CLMN: variants seen among roughly 807,000 people sequenced by gnomAD.
The protein encoded by CLMN is calmin, also known as calmin (calponin-like, transmembrane).
A neutral mutation model predicts 92.7 loss-of-function variants in CLMN; 57 were observed. The ratio of observed to expected loss-of-function variants is 0.61; its 90% confidence interval spans 0.50 to 0.77. CLMN has a LOEUF of 0.77. Among genes scored for constraint, CLMN ranks in the 30% least tolerant of loss-of-function variants. The probability of loss-of-function intolerance (pLI) is 0.00; values close to 1 mark genes in which losing one functional copy is unlikely to be tolerated. For missense variants in CLMN, 1,158 were observed against 1,237.5 expected (o/e 0.94, Z 0.96); for synonymous variants, 466 against 470.6 (o/e 0.99, Z 0.13).
intron 8 of CLMN, among the ~76,000 whole-genome samples, chr14:95,207,824 G>A (rs779897192): frequency 1.3e-5 from 2 of 152,134 alleles, no homozygotes; most frequent in Non-Finnish European, 2.9e-5. Flanking sequence ...TGAAAGTCAC[G>A]GCATGGAGGA....
At chr14:95,230,242 G>A (rs1386472937) in intron 1 of CLMN, 109 bp from the exon 2 acceptor site, 1 of 994,844 alleles carries the variant, frequency 1.0e-6, no homozygotes, top group Non-Finnish European at 1.6e-6. Flanking sequence ...GAACCCCAGG[G>A]TGTCCCATGT....
intron 12 of CLMN, chr14:95,192,108 C>G (rs2140555537): frequency 5.8e-6 from 1 of 173,832 alleles, no homozygotes; most frequent in African/African-American, 2.4e-5. Flanking sequence ...TTTCTTGATG[C>G]CACAGTGCTC....
chr14:95,252,875 T>C (rs1402115704), intron 1 of CLMN, among the ~76,000 whole-genome samples: 2 of 152,116 alleles, frequency 1.3e-5, no homozygotes, highest in Non-Finnish European at 2.9e-5. Context: ...ATGGGGAGCT[T>C]TGCATCGGGA....
intron 1 of CLMN, among the ~76,000 whole-genome samples, chr14:95,236,496 C>T (rs541184416): frequency 2.0e-5 from 3 of 152,358 alleles, no homozygotes; most frequent in East Asian, 1.9e-4. Context: ...TTGATTGCCA[C>T]GACTGAGGGG....
chr14:95,243,604 A>T (rs1490311091), intron 1 of CLMN, among the ~76,000 whole-genome samples: 1 of 149,536 alleles, frequency 6.7e-6, no homozygotes, highest in African/African-American at 2.5e-5. Flanking sequence ...CATGGAGAAG[A>T]AAAATGATTC....
At chr14:95,258,303 ATGTGTGTGTGTG>A (rs1899090718) in intron 1 of CLMN, among the ~76,000 whole-genome samples, 1 of 129,100 alleles carries the variant, frequency 7.7e-6, no homozygotes, top group Admixed American at 7.6e-5. Flanking sequence ...TGTGTGGTGT[ATGTGTGTGTGTG>A]GGGTGTGTGT....
At position 95,196,518 on chromosome 14, in the gene CLMN, GCTA is replaced by G. The variant is rs760966574; in HGVS notation, c.2685_2687del (p.Ser896del). ...AATACCTGGAAGGAATGCTGTAGTC[GCTA>G]CTGTCTTCTTCTAGGTCATCTGAGG... On this transcript the variant is annotated inframe_deletion, in exon 10 of 13. Transcript: ENST00000298912. 2 of 1,611,772 alleles carry G rather than the reference GCTA, an allele frequency of 1.2e-6. No homozygotes were observed. Among genetic ancestry groups the G allele is most frequent in the South Asian group, 2.2e-5 (2 of 90,432 alleles).
chr14:95,243,629 C>T (rs990452963), intron 1 of CLMN, among the ~76,000 whole-genome samples: 22 of 136,864 alleles, frequency 1.6e-4, no homozygotes, highest in South Asian at 2.2e-4. Flanking sequence ...ATTTTTTTTT[C>T]GGTAAAGTTT....
At chr14:95,303,398 G>A (rs971918175) in intron 1 of CLMN, among the ~76,000 whole-genome samples, 10 of 152,108 alleles carry the variant, frequency 6.6e-5, no homozygotes, top group Non-Finnish European at 1.3e-4. Flanking sequence ...TTAACCCCAC[G>A]CCCACCCCTG....
chr14:95,264,681 T>C (rs748417829), intron 1 of CLMN, among the ~76,000 whole-genome samples: 5 of 152,206 alleles, frequency 3.3e-5, no homozygotes, highest in Admixed American at 6.5e-5. Context: ...GTTACTTTTA[T>C]GTGTCAACGT....
intron 5 of CLMN, among the ~76,000 whole-genome samples, chr14:95,214,750 T>C (rs1045307966): frequency 1.3e-5 from 2 of 152,086 alleles, no homozygotes; most frequent in Non-Finnish European, 2.9e-5. Context: ...TTTTTTTTTT[T>C]TTAAGTTCAT....
At chr14:95,319,509 G>A (rs1901947964) in intron 1 of CLMN, among the ~76,000 whole-genome samples, 1 of 152,090 alleles carries the variant, frequency 6.6e-6, no homozygotes, top group Non-Finnish European at 1.5e-5. Flanking sequence ...CCACCCCCTG[G>A]GCAACTGTAA....
chr14:95,317,024 C>G (rs1223462055), intron 1 of CLMN, among the ~76,000 whole-genome samples: 1 of 152,220 alleles, frequency 6.6e-6, no homozygotes, highest in East Asian at 1.9e-4. Context: ...AGCCCCTCTG[C>G]CTGGACTCCT....
rs1408029006 is a variant in CLMN, at chr14:95,182,488, T to C, written c.*9076A>G. 3 of 152,228 alleles carry C rather than the reference T, an allele frequency of 2.0e-5. No individual in the cohort carries two copies. The highest frequency in any genetic ancestry group is 7.2e-5 in the African/African-American group (3 of 41,450). The allele number at this position is 152,228 out of a possible 1,614,324, so 9.4% of individuals were successfully genotyped here. The stretch of plus-strand genomic sequence containing the variant: ...CACAATTTGTCTTTGGCGGATAGTA[T>C]CAGCACCACTGTGAGTGACATAGGC... On this transcript the variant is annotated 3_prime_UTR_variant, in exon 13 of 13. Coordinates refer to ENST00000298912, the MANE Select transcript of CLMN (RefSeq NM_024734.4).
At chr14:95,240,750 C>G (rs1898214840) in intron 1 of CLMN, among the ~76,000 whole-genome samples, 1 of 152,172 alleles carries the variant, frequency 6.6e-6, no homozygotes, top group South Asian at 2.1e-4. Flanking sequence ...CTCCCAACCA[C>G]TTCAACAGGT....
intron 1 of CLMN, among the ~76,000 whole-genome samples, chr14:95,308,081 T>C (rs146692052): frequency 9.0e-4 from 137 of 152,356 alleles, no homozygotes; most frequent in African/African-American, 3.2e-3. Flanking sequence ...TCTGCTCACT[T>C]CTGCCATCAT....
intron 1 of CLMN, among the ~76,000 whole-genome samples, chr14:95,289,735 C>T (rs149921144): frequency 1.1e-3 from 165 of 152,254 alleles, no homozygotes; most frequent in African/African-American, 3.7e-3. Context: ...CAGCCTAGTC[C>T]TCTCGGCTGT....
rs1896931027 is a variant in CLMN, at chr14:95,203,055, G to C, written c.2294C>G (p.Pro765Arg). 1.2e-6 allele frequency: 2 copies of C among 1,613,976 alleles called. No homozygotes were observed. The highest frequency in any genetic ancestry group is 2.2e-5 in the South Asian group (2 of 91,086). ...CTCCTCCTCCCTGGAGTCCAGGTCT[G>C]GCATATAGCCCTCTGGCTCTTCGAG... ...MDLEEPEGYM[P>R]DLDSREEEAD... The change falls in exon 9 of 13, where the codon CCA (proline) becomes CGA (arginine). Residue 765 changes from proline to arginine, a missense_variant. By Grantham distance (103) the Pro-to-Arg change is moderately radical. Transcript: ENST00000298912.
At chr14:95,291,310 T>C (rs772414220) in intron 1 of CLMN, among the ~76,000 whole-genome samples, 2 of 152,136 alleles carry the variant, frequency 1.3e-5, no homozygotes, top group African/African-American at 4.8e-5. Context: ...AGCCTAGCCA[T>C]GGCGATGGCC....
Sources: gnomAD v4.1 joint callset for allele counts (sites outside exome capture counted in the v4.1 genomes callset) on GRCh38, gnomAD v4.1.1 for gene constraint, MANE v1.5 for transcripts, NCBI Gene and HGNC (gene_info 2026-07-23, HGNC 2026-07-21) for gene names.